The following ATAD3B variants were observed in gnomAD, a reference collection of about 807,000 sequenced individuals.
The protein encoded by ATAD3B is ATPase family AAA domain-containing protein 3B.
Under a neutral mutation model 70.2 loss-of-function variants are expected in ATAD3B, and 59 were observed. The ratio of observed to expected loss-of-function variants is 0.84; its 90% CI spans 0.68 to 1.04. ATAD3B has a LOEUF of 1.04. Among genes scored for constraint, ATAD3B ranks in the 50% least tolerant of loss-of-function variants. ATAD3B has a pLI of 0.00. For missense variants in ATAD3B, 961 were observed against 913.4 expected, an observed-to-expected ratio of 1.05 and a Z score of -0.67; for synonymous variants, 423 against 388.6, an observed-to-expected ratio of 1.09 and a Z score of -1.04.
chr1:1,474,193 C>T lies in ATAD3B; in HGVS notation c.205+2104C>T, dbSNP rs112487093. Among the ~76,000 whole-genome samples the T allele has an allele frequency of 2.5e-3, 313 of 125,036 alleles. 2 individuals carry two copies. The highest frequency in any genetic ancestry group is 0.014 in the African/African-American group (293 of 21,180). The allele number at this position is 125,036 out of a possible 152,430, so 82.0% of individuals were successfully genotyped here. On this transcript the variant is annotated intron_variant, in intron 1 of 15. Transcript: ENST00000673477. ...CTCGGTAATTTTTCTTTTTTCTTTT[C>T]TTTTTTTCTTTTTTTTTTTGACGGA...
At chr1:1,493,608 C>T (rs916046681) in intron 15 of ATAD3B, among the ~76,000 whole-genome samples, 2 of 151,726 alleles carry the variant, frequency 1.3e-5, no homozygotes, top group African/African-American at 4.8e-5. Context: ...TGAGCCACTG[C>T]AACCGACCAG....
rs1255690960 is a variant in ATAD3B at position 1,490,409 on chromosome 1, C to G, written c.1490C>G (p.Ala497Gly). Reference protein sequence around the residue: ...LHFDNCVLKPATEGKRRLKLA... With the variant: ...LHFDNCVLKPGTEGKRRLKLA... ...TTTGACAACTGTGTTCTTAAGCCGG[C>G]CACAGAAGGAAAACGGTGAGTGTCC... The change falls in exon 14 of 16, where the codon GCC becomes GGC. Residue 497 changes from alanine (A) to glycine (G), a missense_variant. Transcript: ENST00000673477. 5 of 1,613,292 alleles carry G rather than the reference C, an allele frequency of 3.1e-6. No homozygotes were observed. Among genetic ancestry groups the G allele is most frequent in the Non-Finnish European group, 4.2e-6 (5 of 1,179,692 alleles).
the ATAD3B span, among the ~76,000 whole-genome samples, chr1:1,504,672 GAA>G: frequency 6.8e-6 from 1 of 146,452 alleles, no homozygotes. Flanking sequence ...AAAAAAGAGA[GAA>G]CAGGAGTGTG....
chr1:1,478,413 C>A, intron 2 of ATAD3B: 1 of 1,501,064 alleles, frequency 6.7e-7, no homozygotes. Context: ...TGTCTGACCT[C>A]CCTCCCCGGG....
chr1:1,488,158 T>C (rs1640337028), intron 12 of ATAD3B, among the ~76,000 whole-genome samples: 1 of 152,012 alleles, frequency 6.6e-6, no homozygotes, highest in Admixed American at 6.6e-5. Flanking sequence ...GGTTTCACCA[T>C]GTTGGTCAAG....
intron 12 of ATAD3B, 64 bp from the exon 13 acceptor site, chr1:1,489,140 T>G: frequency 6.2e-7 from 1 of 1,609,688 alleles, no homozygotes; most frequent in Non-Finnish European, 8.5e-7. Context: ...CTGTGGGACT[T>G]TCTGCTCTGG....
At position 1,495,714 on chromosome 1, in the gene ATAD3B, T is replaced by C; in HGVS notation, c.1844T>C (p.Ile615Thr). 6.2e-7 allele frequency: 1 copy of C among 1,613,278 alleles called. No individual in the cohort carries two copies. The highest frequency in any genetic ancestry group is 8.5e-7 in the Non-Finnish European group (1 of 1,179,556). ...CTTGCCGGCCCCTGCACATTTAGGA[T>C]ATGCTCCTGGATGGGGACTGGGCTG... ...PCLAGPCTFR[I>T]CSWMGTGLCP... The change falls in exon 16 of 16, where the codon ATA becomes ACA. Residue 615 changes from isoleucine to threonine, a missense_variant. Coordinates refer to ENST00000673477, the MANE Select transcript of ATAD3B (RefSeq NM_031921.6).
rs1640141111 is a variant in ATAD3B at position 1,485,224 on chromosome 1, C to G, written c.906+53C>G. The G allele has an allele frequency of 4.4e-6, 7 of 1,597,162 alleles. No homozygotes were observed. The Admixed American group carries it at 1.2e-4, about 27-fold the overall frequency. On this transcript the variant is annotated intron_variant, in intron 8 of 15. Coordinates refer to ENST00000673477, the MANE Select transcript of ATAD3B (RefSeq NM_031921.6). ...AGTGCAGTTCCTGGCTGAGTCCCTT[C>G]TGCCCCACGAGCACAGCCCACGCAC...
chr1:1,486,269 G>A, intron 10 of ATAD3B, 34 bp downstream of exon 10: 1 of 1,611,970 alleles, frequency 6.2e-7, no homozygotes, highest in Non-Finnish European at 8.5e-7. Context: ...TGGGCCAGGG[G>A]CCGCTGGGGT....
chr1:1,506,158 C>T, the ATAD3B span, among the ~76,000 whole-genome samples: 1 of 152,096 alleles, frequency 6.6e-6, no homozygotes, highest in Non-Finnish European at 1.5e-5. Context: ...TCACTTGAAC[C>T]CAGGAGGTGG....
chr1:1,509,090 G>T, the ATAD3B span: 3 of 1,454,014 alleles, frequency 2.1e-6, no homozygotes, highest in East Asian at 5.0e-5. Context: ...TGTGTTTCAC[G>T]CTCAGGCCAT....
rs1167471051 is a variant in ATAD3B at position 1,471,841 on chromosome 1, C to T, written c.-44C>T. ...CTCCCAGCCGCGCCCGAGTCAGACT[C>T]GGGTGGGGGTCCCGGCGGCGGTAGC... On this transcript the variant is annotated 5_prime_UTR_variant, in exon 1 of 16. Transcript: ENST00000673477. 2 of 1,263,700 alleles carry T rather than the reference C, an allele frequency of 1.6e-6. No individual in the cohort carries two copies. The highest frequency in any genetic ancestry group is 2.0e-6 in the Non-Finnish European group (2 of 1,001,264). 78.3% of individuals were successfully genotyped at this position (1,263,700 alleles called of 1,614,324 possible).
chr1:1,472,158 C>T lies in ATAD3B; in HGVS notation c.205+69C>T, dbSNP rs78689788. The T allele has an allele frequency of 6.9e-5, 91 of 1,320,272 alleles. 1 individual carries two copies. The highest frequency in any genetic ancestry group is 8.5e-5 in the Non-Finnish European group (87 of 1,028,826). 81.8% of individuals were successfully genotyped at this position (1,320,272 alleles called of 1,614,324 possible). On this transcript the variant is annotated intron_variant, in intron 1 of 15. Transcript: ENST00000673477. ...GGGCCGGGGAAGCGGGAGCCCTGGC[C>T]CTTGCCGCTCCTCGCTGCTGTCGGC...
intron 6 of ATAD3B, 36 bp from the exon 7 acceptor site, chr1:1,482,509 G>C: frequency 6.2e-7 from 1 of 1,613,268 alleles, no homozygotes; most frequent in African/African-American, 1.3e-5. Flanking sequence ...ACGGATCTTC[G>C]TGTCCTTCCT....
downstream of ATAD3B, among the ~76,000 whole-genome samples, chr1:1,499,792 C>T (rs180749066): frequency 6.7e-6 from 1 of 150,322 alleles, no homozygotes; most frequent in East Asian, 2.0e-4. Context: ...TGGGGTTTCA[C>T]CAGGTTGGTC....
intron 7 of ATAD3B, chr1:1,484,403 G>C (rs1445837360): frequency 6.6e-6 from 1 of 152,164 alleles, no homozygotes; most frequent in Non-Finnish European, 1.5e-5. Context: ...AGATGGTTTC[G>C]ATCTCCTGAC....
intron 1 of ATAD3B, among the ~76,000 whole-genome samples, chr1:1,476,628 C>T (rs1312822443): frequency 6.6e-6 from 1 of 151,660 alleles, no homozygotes. Flanking sequence ...CCTGCCTCAG[C>T]CTCCTGAGTA....
chr1:1,492,314 C>T (rs936436009), intron 15 of ATAD3B, among the ~76,000 whole-genome samples: 7 of 151,730 alleles, frequency 4.6e-5, no homozygotes, highest in African/African-American at 1.7e-4. Context: ...TGATGAACCC[C>T]ACCTCTACAA....
intron 15 of ATAD3B, among the ~76,000 whole-genome samples, chr1:1,491,666 G>A (rs769703348): frequency 1.3e-5 from 2 of 152,012 alleles, no homozygotes; most frequent in Non-Finnish European, 2.9e-5. Flanking sequence ...CTGGTCACTC[G>A]ATCTAGCAGC....
Sources: gnomAD v4.1 joint callset for allele counts (sites outside exome capture counted in the v4.1 genomes callset) on GRCh38, gnomAD v4.1.1 for gene constraint, MANE v1.5 for transcripts, NCBI Gene and HGNC (gene_info 2026-07-23, HGNC 2026-07-21) for gene names.